Variants in AP1AR observed in about 807,000 individuals in gnomAD.
AP1AR encodes adaptor related protein complex 1 associated regulatory protein, also known as AP-1 complex-associated regulatory protein.
In AP1AR, 29 loss-of-function variants were observed where a neutral mutation model predicts 46.3. The ratio of observed to expected loss-of-function variants is 0.63; its 90% CI spans 0.47 to 0.85. AP1AR has a LOEUF of 0.85. Ranked by LOEUF, AP1AR falls within the 40% of genes least tolerant of loss-of-function variation. The pLI is 0.00. For synonymous variants in AP1AR, 122 were observed against 122.9 expected (o/e 0.99, Z 0.05); for missense variants, 357 against 356.3 (o/e 1.00, Z -0.02).
intron 1 of AP1AR, among the ~76,000 whole-genome samples, chr4:112,239,410 T>TG (rs1332892224): frequency 1.3e-5 from 2 of 152,194 alleles, no homozygotes; most frequent in Non-Finnish European, 2.9e-5. Context: ...CTGCTGCTGC[T>TG]CTCCTCTGCA....
intron 1 of AP1AR, among the ~76,000 whole-genome samples, chr4:112,233,387 T>A (rs1725103508): frequency 6.6e-6 from 1 of 152,240 alleles, no homozygotes; most frequent in African/African-American, 2.4e-5. Flanking sequence ...AATTTATGAG[T>A]TATTACTCTT....
rs750559912 is a variant in AP1AR at position 112,266,700 on chromosome 4, G to A, written c.627G>A (p.Glu209=). Residue 209 remains glutamate (E), a synonymous_variant, in exon 9 of 10, where the codon GAG becomes GAA. Coordinates refer to ENST00000274000, the MANE Select transcript of AP1AR (RefSeq NM_018569.6). ...ACGACAGCACATCCTTAGATCTAGA[G>A]TGGGAAGATGAAGAAGGTATTTTAT... is the stretch of plus-strand genomic sequence containing the variant. ...GNDDSTSLDL[E]WEDEEGMNRM... 6.2e-7 allele frequency: 1 copy of A among 1,605,122 alleles called. No individual in the cohort carries two copies. The highest frequency in any genetic ancestry group is 1.1e-5 in the South Asian group (1 of 89,844).
chr4:112,246,483 G>A (rs931983987), intron 1 of AP1AR, among the ~76,000 whole-genome samples: 1 of 152,178 alleles, frequency 6.6e-6, no homozygotes, highest in African/African-American at 2.4e-5. Flanking sequence ...TCCAGCCTGG[G>A]CGACAGAGTG....
Position 112,272,733 on chromosome 4 carries a change from A to ATTCT in AP1AR, c.*4329_*4332dup, listed in dbSNP as rs1275240739. ...AAATATAATTCTGTCTCTTGGCTGA[A>ATTCT]TTCTTTCTCCCAAGAAGACAAAGAT... On this transcript the variant is annotated 3_prime_UTR_variant, in exon 10 of 10. Transcript: ENST00000274000. Among the ~76,000 whole-genome samples the ATTCT allele has an allele frequency of 6.6e-6, 1 of 152,182 alleles. No individual in the cohort carries two copies. The highest frequency in any genetic ancestry group is 2.4e-5 in the African/African-American group (1 of 41,458).
At chr4:112,266,554 GAGAGT>G in intron 8 of AP1AR, 29 bp from the exon 9 acceptor site, 1 of 1,599,078 alleles carries the variant, frequency 6.3e-7, no homozygotes, top group South Asian at 1.1e-5. Context: ...AAGAGTAGAT[GAGAGT>G]ATTCAATTGT....
In AP1AR at chr4:112,270,616, T is replaced by TATGA. The variant is rs1315427826; in HGVS notation, c.*2209_*2212dup. On this transcript the variant is annotated 3_prime_UTR_variant, in exon 10 of 10. Coordinates refer to ENST00000274000, the MANE Select transcript of AP1AR (RefSeq NM_018569.6). The stretch of plus-strand genomic sequence containing the variant: ...CAGGAAACAGTCAAGTAAAACCTGG[T>TATGA]ATGAAGCATGTTATAAGCAAAGGGA... 3.3e-5 allele frequency among the ~76,000 whole-genome samples: 5 copies of TATGA among 152,202 alleles called. No homozygotes were observed. Among genetic ancestry groups the TATGA allele is most frequent in the African/African-American group, 9.7e-5 (4 of 41,448 alleles).
chr4:112,241,188 C>T lies in AP1AR; in HGVS notation c.83+9014C>T, dbSNP rs138615071. ...AGTTTTTGAACATATTCTTCGTAAA[C>T]GTGTCTTTATTAGGAAGAAGCTTAT... On this transcript the variant is annotated intron_variant, in intron 1 of 9. Transcript: ENST00000274000. 3.3e-4 allele frequency among the ~76,000 whole-genome samples: 50 copies of T among 152,164 alleles called. No homozygotes were observed. The East Asian group carries it at 7.9e-3, about 24-fold the overall frequency.
At chr4:112,265,147 GTGT>G (rs1380557872) in intron 7 of AP1AR, 80 bp downstream of exon 7, 2 of 1,020,912 alleles carry the variant, frequency 2.0e-6, no homozygotes, top group African/African-American at 3.3e-5. Context: ...ACCTCAAGAT[GTGT>G]ATATACGCAT....
chr4:112,235,080 C>T (rs190997077), intron 1 of AP1AR, among the ~76,000 whole-genome samples: 4 of 152,286 alleles, frequency 2.6e-5, no homozygotes, highest in African/African-American at 7.2e-5. Flanking sequence ...AACCCTACTA[C>T]TAATGAAGTC....
chr4:112,242,401 C>T (rs190072907), intron 1 of AP1AR, among the ~76,000 whole-genome samples: 4 of 151,828 alleles, frequency 2.6e-5, no homozygotes, highest in Admixed American at 2.6e-4. Context: ...TTGAATCTGT[C>T]TTAGGCTGTG....
At chr4:112,254,412 G>A (rs1204251805) in intron 2 of AP1AR, among the ~76,000 whole-genome samples, 1 of 152,052 alleles carries the variant, frequency 6.6e-6, no homozygotes, top group African/African-American at 2.4e-5. Flanking sequence ...CAAGTGAAGT[G>A]GAATATTCTG....
At chr4:112,239,543 G>A (rs1260087307) in intron 1 of AP1AR, among the ~76,000 whole-genome samples, 4 of 152,132 alleles carry the variant, frequency 2.6e-5, no homozygotes, top group Non-Finnish European at 5.9e-5. Flanking sequence ...GGTTGTCTTT[G>A]ACACTGTTCC....
At chr4:112,232,621 G>T (rs542106224) in intron 1 of AP1AR, among the ~76,000 whole-genome samples, 1 of 152,320 alleles carries the variant, frequency 6.6e-6, no homozygotes, top group East Asian at 1.9e-4. Context: ...TAATGCCTCA[G>T]ATTGATTTTA....
intron 1 of AP1AR, among the ~76,000 whole-genome samples, chr4:112,234,696 C>G (rs1300747997): frequency 2.1e-5 from 3 of 141,604 alleles, no homozygotes; most frequent in Non-Finnish European, 4.7e-5. Context: ...GATTTTCTTT[C>G]AAGTATAGGT....
chr4:112,254,309 C>T (rs762954193), intron 2 of AP1AR, among the ~76,000 whole-genome samples: 4 of 152,242 alleles, frequency 2.6e-5, no homozygotes, highest in Admixed American at 6.5e-5. Context: ...AATGAATAGA[C>T]GGATAAATAT....
At chr4:112,239,897 G>T (rs1194488221) in intron 1 of AP1AR, among the ~76,000 whole-genome samples, 1 of 152,158 alleles carries the variant, frequency 6.6e-6, no homozygotes, top group South Asian at 2.1e-4. Flanking sequence ...CACATAGTAG[G>T]TGCTCAATAA....
rs977992924 is a variant in AP1AR, at chr4:112,250,111, C to T, written c.84-3097C>T. 3.3e-5 allele frequency among the ~76,000 whole-genome samples: 5 copies of T among 152,182 alleles called. 1 individual carries two copies. The South Asian group carries it at 1.0e-3, about 32-fold the overall frequency. On this transcript the variant is annotated intron_variant, in intron 1 of 9. Transcript: ENST00000274000. Reference sequence around the variant, plus strand: ...GTTTAATAGTTGAGTACTTCCATTCCTTTCCCCAGTTGTTCCGCTTACCCT... The same window carrying T: ...GTTTAATAGTTGAGTACTTCCATTCTTTTCCCCAGTTGTTCCGCTTACCCT...
At position 112,253,267 on chromosome 4, in the gene AP1AR, C is replaced by T; in HGVS notation, c.132+11C>T. On this transcript the variant is annotated intron_variant, in intron 2 of 9. Transcript: ENST00000274000. ...CACTTAACAATAGAGGTAAGTAGTC[C>T]TTAATTTGATTGAATTAAAAATGCC... 6.2e-7 allele frequency: 1 copy of T among 1,603,666 alleles called. No homozygotes were observed. Among genetic ancestry groups the T allele is most frequent in the Non-Finnish European group, 8.5e-7 (1 of 1,173,874 alleles).
In AP1AR at chr4:112,262,715, T is replaced by G. The variant is rs377386254; in HGVS notation, c.283-273T>G. 4.6e-5 allele frequency among the ~76,000 whole-genome samples: 7 copies of G among 152,198 alleles called. No individual in the cohort carries two copies. In the East Asian group the frequency reaches 7.7e-4, roughly 17 times the overall value. On this transcript the variant is annotated intron_variant, in intron 5 of 9. Coordinates refer to ENST00000274000, the MANE Select transcript of AP1AR (RefSeq NM_018569.6). ...GTTTAAAATGAAGATCACTGCAGAT[T>G]CTAAAGAAACACTTCTATATTTATA...
Sources: allele counts gnomAD v4.1 joint callset (sites outside exome capture counted in the v4.1 genomes callset), GRCh38; gene constraint gnomAD v4.1.1; transcripts MANE v1.5; gene names NCBI Gene and HGNC (gene_info 2026-07-23, HGNC 2026-07-21).